Variants in MITF observed in about 807,000 individuals in gnomAD.
MITF encodes microphthalmia-associated transcription factor.
A neutral mutation model predicts 60.5 loss-of-function variants in MITF; 17 were observed. That is an observed-to-expected ratio of 0.28 (90% CI 0.19 to 0.42). The LOEUF is 0.42. Ranked by LOEUF, MITF falls within the 10% of genes least tolerant of loss-of-function variation. The pLI is 1.00. For missense variants in MITF, 622 were observed against 683.5 expected, an observed-to-expected ratio of 0.91 and a Z score of 1.00; for synonymous variants, 260 against 248.5, an observed-to-expected ratio of 1.05 and a Z score of -0.43.
chr3:69,806,934 G>A (rs574863191), intron 1 of MITF, among the ~76,000 whole-genome samples: 1 of 152,308 alleles, frequency 6.6e-6, no homozygotes, highest in Admixed American at 6.5e-5. Context: ...AATGAGTAAT[G>A]CAAGGAAATT....
intron 6 of MITF, among the ~76,000 whole-genome samples, chr3:69,950,845 G>A (rs540397251): frequency 2.5e-4 from 38 of 152,094 alleles, no homozygotes; most frequent in Non-Finnish European, 5.1e-4. Flanking sequence ...AAGGCAAAAA[G>A]TAATCTCTTA....
At chr3:69,790,086 A>C (rs771664788) in intron 1 of MITF, among the ~76,000 whole-genome samples, 11 of 152,246 alleles carry the variant, frequency 7.2e-5, no homozygotes, top group Non-Finnish European at 1.3e-4. Flanking sequence ...AGTATTATTC[A>C]GCCTTAAAAA....
intron 2 of MITF, among the ~76,000 whole-genome samples, chr3:69,925,644 G>A (rs1013390630): frequency 2.0e-5 from 3 of 152,142 alleles, no homozygotes; most frequent in African/African-American, 7.2e-5. Context: ...GGCCTGCAAA[G>A]CCCTACAACA....
At chr3:69,762,834 G>A in intron 1 of MITF, 1 of 224,152 alleles carries the variant, frequency 4.5e-6, no homozygotes, top group Non-Finnish European at 8.9e-6. Flanking sequence ...GTGGGTACTG[G>A]TCTTCTGGGA....
Position 69,951,824 on chromosome 3 carries a change from CCA to C in MITF, c.896_897del (p.Thr299ArgfsTer3). 6.2e-7 allele frequency: 1 copy of C among 1,613,384 alleles called. No individual in the cohort carries two copies. Among genetic ancestry groups the C allele is most frequent in the Non-Finnish European group, 8.5e-7 (1 of 1,179,588 alleles). ...TTCACGTGCACAGCGTGTATTTTTC[CCA>C]CAGAGTCTGAAGCAAGAGCACTGGC... On this transcript the variant is annotated frameshift_variant, in exon 7 of 10. Transcript: ENST00000352241. LOFTEE classifies it high-confidence loss of function.
At position 69,966,313 on chromosome 3, in the gene MITF, C is replaced by T; in HGVS notation, c.*1065C>T. On this transcript the variant is annotated 3_prime_UTR_variant, in exon 10 of 10. Coordinates refer to ENST00000352241, the MANE Select transcript of MITF (RefSeq NM_001354604.2). The stretch of plus-strand genomic sequence containing the variant: ...TTCTTTGTACACCCATGAAAGAAAA[C>T]TTTTATGCAAGGTCTTGCATTTAAA... The T allele has an allele frequency of 4.3e-6, 1 of 232,890 alleles. No individual in the cohort carries two copies. The highest frequency in any genetic ancestry group is 8.5e-6 in the Non-Finnish European group (1 of 117,630). 14.4% of individuals were successfully genotyped at this position (232,890 alleles called of 1,614,324 possible). A position where few individuals can be genotyped will look rare whatever the true frequency, so the allele number is the denominator to read the frequency against.
At chr3:69,777,254 C>T (rs1272458426) in intron 1 of MITF, among the ~76,000 whole-genome samples, 1 of 152,134 alleles carries the variant, frequency 6.6e-6, no homozygotes, top group African/African-American at 2.4e-5. Context: ...AGATTATGTT[C>T]ATGGAGTAAA....
intron 2 of MITF, among the ~76,000 whole-genome samples, chr3:69,918,371 A>G (rs539115405): frequency 6.6e-6 from 1 of 152,326 alleles, no homozygotes; most frequent in South Asian, 2.1e-4. Flanking sequence ...TAATAAGGAA[A>G]GTAATAAAAT....
At chr3:69,833,685 CTCTGTTTACACTGTATGTG>C (rs2063491695) in intron 1 of MITF, among the ~76,000 whole-genome samples, 1 of 42,556 alleles carries the variant, frequency 2.3e-5, no homozygotes, top group Non-Finnish European at 1.0e-4. Flanking sequence ...GTATGTGGTT[CTCTGTTTACACTGTATGTG>C]GTTCTCTGTT....
intron 1 of MITF, among the ~76,000 whole-genome samples, chr3:69,797,941 G>C (rs1465976574): frequency 6.6e-6 from 1 of 152,208 alleles, no homozygotes; most frequent in Non-Finnish European, 1.5e-5. Context: ...GCTTTAAACT[G>C]ATCACAGATA....
At chr3:69,746,359 T>G (rs1703728277) in intron 1 of MITF, among the ~76,000 whole-genome samples, 2 of 152,146 alleles carry the variant, frequency 1.3e-5, no homozygotes, top group Non-Finnish European at 2.9e-5. Flanking sequence ...TGTAAAAAAA[T>G]GTATCTTGGG....
chr3:69,878,580 C>T (rs999051348), intron 1 of MITF, among the ~76,000 whole-genome samples: 15 of 152,220 alleles, frequency 9.9e-5, no homozygotes, highest in Admixed American at 9.8e-4. Context: ...ACATTCTGGC[C>T]CAAATGCTTC....
At chr3:69,873,784 A>G (rs982591993) in intron 1 of MITF, among the ~76,000 whole-genome samples, 24 of 152,330 alleles carry the variant, frequency 1.6e-4, no homozygotes, top group African/African-American at 5.5e-4. Flanking sequence ...TATGCAGACA[A>G]GTGATCCTGG....
intron 2 of MITF, among the ~76,000 whole-genome samples, chr3:69,892,645 A>C (rs2064784902): frequency 6.6e-6 from 1 of 152,202 alleles, no homozygotes; most frequent in African/African-American, 2.4e-5. Context: ...TTAGCTATCA[A>C]GAGTTATTTA....
In MITF at chr3:69,842,480, T is replaced by C. The variant is rs142219868; in HGVS notation, c.105-36654T>C. 4.0e-3 allele frequency among the ~76,000 whole-genome samples: 614 copies of C among 152,270 alleles called. 4 individuals carry two copies. The highest frequency in any genetic ancestry group is 0.014 in the African/African-American group (595 of 41,556). On this transcript the variant is annotated intron_variant, in intron 1 of 9. Coordinates refer to ENST00000352241, the MANE Select transcript of MITF (RefSeq NM_001354604.2). ...TTGCAGCTGGTGAGTTATTATGCAG[T>C]GGTAGAAGGAAGCTTATCTGAAACT...
intron 1 of MITF, among the ~76,000 whole-genome samples, chr3:69,818,179 T>C (rs774984624): frequency 9.2e-5 from 14 of 152,334 alleles, no homozygotes; most frequent in Middle Eastern, 6.8e-3. Flanking sequence ...AACCCTTAAA[T>C]AGCTTCTCAT....
chr3:69,884,470 T>A (rs1329968320), intron 2 of MITF, among the ~76,000 whole-genome samples: 1 of 152,170 alleles, frequency 6.6e-6, no homozygotes, highest in Non-Finnish European at 1.5e-5. Context: ...CAAGGTCCAC[T>A]CTTCCCTATG....
At chr3:69,862,163 C>T (rs1427491798) in intron 1 of MITF, among the ~76,000 whole-genome samples, 1 of 152,108 alleles carries the variant, frequency 6.6e-6, no homozygotes, top group African/African-American at 2.4e-5. Flanking sequence ...AACCATACCC[C>T]TGCAGAATCT....
At chr3:69,942,894 C>G (rs1559737707) in intron 5 of MITF, among the ~76,000 whole-genome samples, 1 of 152,052 alleles carries the variant, frequency 6.6e-6, no homozygotes, top group South Asian at 2.1e-4. Flanking sequence ...GCCCAGTCAT[C>G]TCAAAAGAAC....
Sources: gnomAD v4.1 joint callset for allele counts (sites outside exome capture counted in the v4.1 genomes callset) on GRCh38, gnomAD v4.1.1 for gene constraint, MANE v1.5 for transcripts, NCBI Gene and HGNC (gene_info 2026-07-23, HGNC 2026-07-21) for gene names.